ADD2: variants seen among roughly 807,000 people sequenced by gnomAD.
ADD2 encodes adducin 2.
ADD2 carries 23 observed loss-of-function variants against 83.0 expected under a neutral mutation model. The observed-to-expected ratio is 0.28, with a 90% confidence interval of 0.20 to 0.39. ADD2 has a LOEUF of 0.39. Ranked by LOEUF, ADD2 falls within the 10% of genes least tolerant of loss-of-function variation. ADD2 has a pLI of 1.00. For synonymous variants in ADD2, 375 were observed against 375.4 expected (o/e 1.00, Z 0.01); for missense variants, 758 against 944.9 (o/e 0.80, Z 2.59).
Position 70,663,539 on chromosome 2 carries a change from G to A in ADD2, c.2067C>T (p.Ser689=), listed in dbSNP as rs782170291. ...GTGAGCCCTCTGGGGACATGGGGCC[G>A]CTGGTGACCGACTCGGTTTTGTCCT... The part of the protein sequence containing the change: ...TSKDKTESVT[S]GPMSPEGSPS... Residue 689 remains serine (S), a synonymous_variant, in exon 16 of 16, where the codon AGC becomes AGT. Transcript: ENST00000264436. 20 of 1,614,096 alleles carry A rather than the reference G, an allele frequency of 1.2e-5. No individual in the cohort carries two copies. The highest frequency in any genetic ancestry group is 4.4e-5 in the South Asian group (4 of 91,068).
At chr2:70,681,649 T>C (rs1670452735) in intron 10 of ADD2, among the ~76,000 whole-genome samples, 1 of 152,104 alleles carries the variant, frequency 6.6e-6, no homozygotes, top group Non-Finnish European at 1.5e-5. Flanking sequence ...TACAAAAGTA[T>C]TCTCATTATT....
Position 70,706,241 on chromosome 2 carries a change from C to T in ADD2, c.168G>A (p.Met56Ile). ...CCCCACTCACGGGACTCTGCAGGATCATGGTGACGCGCTTCTTCTGCTCCA... is the reference window on the plus strand; with the variant it reads ...CCCCACTCACGGGACTCTGCAGGATTATGGTGACGCGCTTCTTCTGCTCCA... ...NLMEQKKRVT[M>I]ILQSPSFREE... is the part of the protein sequence containing the mutation. The change falls in exon 3 of 16, where the codon ATG becomes ATA. Residue 56 changes from methionine (M) to isoleucine (I), a missense_variant. By Grantham distance (10) the Met-to-Ile change is conservative. Coordinates refer to ENST00000264436, the MANE Select transcript of ADD2 (RefSeq NM_001617.4). This position sits in a 1 kb window ranked among gnomAD's most constrained non-coding sequence, Gnocchi z 5.0. 1 of 1,614,002 alleles carries T rather than the reference C, an allele frequency of 6.2e-7. No homozygotes were observed. The highest frequency in any genetic ancestry group is 8.5e-7 in the Non-Finnish European group (1 of 1,179,984).
chr2:70,717,554 T>TG, intron 1 of ADD2: 1 of 152,346 alleles, frequency 6.6e-6, no homozygotes, highest in African/African-American at 2.4e-5. Context: ...CCAACAGCCA[T>TG]GGCCATGGGT....
intron 14 of ADD2, among the ~76,000 whole-genome samples, 199 bp downstream of exon 14, chr2:70,674,479 G>A (rs536923900): frequency 6.6e-5 from 10 of 152,256 alleles, no homozygotes; most frequent in Admixed American, 5.9e-4. Context: ...CTTTATGCCC[G>A]GTAAGAGGGT....
chr2:70,666,952 C>A (rs971571505), intron 15 of ADD2, among the ~76,000 whole-genome samples: 1 of 152,134 alleles, frequency 6.6e-6, no homozygotes, highest in African/African-American at 2.4e-5. Flanking sequence ...GAGTCAGAGA[C>A]CACTGGAGGG....
chr2:70,759,172 A>C (rs1291100708), intron 1 of ADD2, among the ~76,000 whole-genome samples: 2 of 152,164 alleles, frequency 1.3e-5, no homozygotes, highest in South Asian at 2.1e-4. Flanking sequence ...TCCAGGCATT[A>C]AATGGAGCAC....
intron 1 of ADD2, among the ~76,000 whole-genome samples, chr2:70,731,175 G>A (rs913903947): frequency 1.3e-5 from 2 of 152,072 alleles, no homozygotes; most frequent in Non-Finnish European, 2.9e-5. Context: ...GGGGAGCCCT[G>A]GACACCTGGG....
In ADD2 at chr2:70,663,297, T is replaced by A. The variant is rs1553365384; in HGVS notation, c.*128A>T. On this transcript the variant is annotated 3_prime_UTR_variant, in exon 16 of 16. Coordinates refer to ENST00000264436, the MANE Select transcript of ADD2 (RefSeq NM_001617.4). Reference sequence around the variant, plus strand: ...AAGGGTTGGTCGGGTGATCTCTAAGTTCCCCTTCCGAATGTGGTCCAGGGT... The same window carrying A: ...AAGGGTTGGTCGGGTGATCTCTAAGATCCCCTTCCGAATGTGGTCCAGGGT... 2.7e-6 allele frequency: 3 copies of A among 1,095,014 alleles called. No homozygotes were observed. In the African/African-American group the frequency reaches 4.7e-5, roughly 17 times the overall value. 67.8% of individuals were successfully genotyped at this position (1,095,014 alleles called of 1,614,324 possible). A position where few individuals can be genotyped will look rare whatever the true frequency, so the allele number is the denominator to read the frequency against.
chr2:70,739,239 T>C (rs192318103), intron 1 of ADD2, among the ~76,000 whole-genome samples: 3 of 152,196 alleles, frequency 2.0e-5, no homozygotes, highest in Non-Finnish European at 1.5e-5. Context: ...GAAGACACTT[T>C]TAAAAAGACG....
At chr2:70,669,251 G>A (rs552037288) in intron 15 of ADD2, among the ~76,000 whole-genome samples, 1 of 152,244 alleles carries the variant, frequency 6.6e-6, no homozygotes, top group South Asian at 2.1e-4. Flanking sequence ...AAACATCCGT[G>A]TCTGAAAGAA....
chr2:70,739,687 G>C (rs1673776718), intron 1 of ADD2, among the ~76,000 whole-genome samples: 1 of 152,246 alleles, frequency 6.6e-6, no homozygotes, highest in Non-Finnish European at 1.5e-5. Context: ...ATACTATGTA[G>C]CCATGAAAAA....
At chr2:70,708,921 A>G (rs971812782) in intron 2 of ADD2, among the ~76,000 whole-genome samples, 4 of 152,172 alleles carry the variant, frequency 2.6e-5, no homozygotes, top group Admixed American at 6.5e-5. Context: ...TCATTTCTGT[A>G]TCTCACTTCC....
chr2:70,715,740 C>A (rs1277704625), intron 1 of ADD2, among the ~76,000 whole-genome samples: 4 of 152,182 alleles, frequency 2.6e-5, no homozygotes, highest in Non-Finnish European at 4.4e-5. Flanking sequence ...CTGCTCACCA[C>A]ACACCGCAGC....
intron 7 of ADD2, 46 bp downstream of exon 7, chr2:70,692,357 G>A (rs1463542902): frequency 2.7e-6 from 4 of 1,479,894 alleles, no homozygotes; most frequent in Non-Finnish European, 2.7e-6. Context: ...TACAACCTCG[G>A]CAGCCTTACG....
intron 13 of ADD2, chr2:70,675,846 ATTTTTG>A: frequency 1.0e-6 from 1 of 985,094 alleles, no homozygotes; most frequent in South Asian, 4.7e-5. Flanking sequence ...GGCAGGGGAG[ATTTTTG>A]TTTGTTTTTT....
Position 70,659,469 on chromosome 2 carries a change from A to G in ADD2, c.*3956T>C, listed in dbSNP as rs945072797. On this transcript the variant is annotated 3_prime_UTR_variant, in exon 16 of 16. Transcript: ENST00000264436. The stretch of plus-strand genomic sequence containing the variant: ...GGAATGGGATTCAAATTCAGTCTAC[A>G]TGGATCAGTGGCAGAGGGCAGTGCT... The G allele has an allele frequency of 6.6e-6, 1 of 152,248 alleles. No homozygotes were observed. The highest frequency in any genetic ancestry group is 2.1e-4 in the South Asian group (1 of 4,832). 9.4% of individuals were successfully genotyped at this position (152,248 alleles called of 1,614,324 possible).
At position 70,696,302 on chromosome 2, in the gene ADD2, A is replaced by G. The variant is rs1671309483; in HGVS notation, c.417T>C (p.Ser139=). Residue 139 remains serine (S), a synonymous_variant, in exon 5 of 16, where the codon AGT becomes AGC. Coordinates refer to ENST00000264436, the MANE Select transcript of ADD2 (RefSeq NM_001617.4). ...CATAGAGGTCCAGGAGTCGGTAGAC[A>G]CTGCTGATCTTGCACCGCATGAGCC... ...GERLMRCKIS[S]VYRLLDLYGW... is the part of the protein sequence containing the mutation. 6.2e-7 allele frequency: 1 copy of G among 1,614,008 alleles called. No homozygotes were observed. Among genetic ancestry groups the G allele is most frequent in the African/African-American group, 1.3e-5 (1 of 75,058 alleles).
At chr2:70,704,264 C>CCCCCCCCCCCCCCCCCA in intron 4 of ADD2, 57 bp downstream of exon 4, 1 of 425,204 alleles carries the variant, frequency 2.4e-6, no homozygotes, top group Non-Finnish European at 4.8e-6. Context: ...TCCCTCTCTT[C>CCCCCCCCCCCCCCCCCA]CCCACCCCAC....
chr2:70,761,501 A>C (rs1329993928), intron 1 of ADD2, among the ~76,000 whole-genome samples: 3 of 147,796 alleles, frequency 2.0e-5, no homozygotes, highest in Non-Finnish European at 4.5e-5. Context: ...CCAGCTACTC[A>C]GGAGGCTGAG....
Sources: gnomAD v4.1 joint callset for allele counts (sites outside exome capture counted in the v4.1 genomes callset) on GRCh38, gnomAD v4.1.1 for gene constraint, Gnocchi (gnomAD v3.1) non-coding constraint, MANE v1.5 for transcripts, NCBI Gene and HGNC (gene_info 2026-07-23, HGNC 2026-07-21) for gene names.